Variants in VAV3 observed in about 807,000 individuals in gnomAD.
The protein encoded by VAV3 is guanine nucleotide exchange factor VAV3.
Under a neutral mutation model 131.2 loss-of-function variants are expected in VAV3, and 94 were observed. The ratio of observed to expected loss-of-function variants is 0.72; its 90% CI spans 0.61 to 0.85. The LOEUF (loss-of-function observed/expected upper bound fraction) is 0.85. VAV3 is among the 40% of genes least tolerant of loss of function. VAV3 has a pLI of 0.00. For synonymous variants in VAV3, 349 were observed against 342.0 expected, an observed-to-expected ratio of 1.02 and a Z score of -0.22; for missense variants, 939 against 1,002.7, an observed-to-expected ratio of 0.94 and a Z score of 0.86.
intron 5 of VAV3, 51 bp downstream of exon 5, chr1:107,772,684 C>T: frequency 6.8e-7 from 1 of 1,472,224 alleles, no homozygotes; most frequent in Non-Finnish European, 9.4e-7. Flanking sequence ...GTTAATTAGC[C>T]TTTCCTAATA....
Position 107,767,654 on chromosome 1 carries a change from T to C in VAV3, c.717+787A>G, listed in dbSNP as rs563598932. ...AAAACACAAAGAACTGTTCAGGTAA[T>C]ACAAGCAGGTCTGTGAATAAAAGCT... On this transcript the variant is annotated intron_variant, in intron 7 of 26. Coordinates refer to ENST00000370056, the MANE Select transcript of VAV3 (RefSeq NM_006113.5). 2.6e-5 allele frequency among the ~76,000 whole-genome samples: 4 copies of C among 152,272 alleles called. No individual in the cohort carries two copies. The East Asian group carries it at 7.7e-4, about 29-fold the overall frequency.
chr1:107,668,957 C>T (rs1657592388), intron 19 of VAV3: 1 of 990,486 alleles, frequency 1.0e-6, no homozygotes, highest in Non-Finnish European at 1.2e-6. Flanking sequence ...TTCTCTTCAA[C>T]TCTTTCGCGA....
chr1:107,727,292 TAAA>T (rs1465978935), intron 15 of VAV3, among the ~76,000 whole-genome samples: 1 of 152,240 alleles, frequency 6.6e-6, no homozygotes, highest in Non-Finnish European at 1.5e-5. Context: ...TAAGCTCCAC[TAAA>T]ATGTCTTTTC....
intron 15 of VAV3, among the ~76,000 whole-genome samples, chr1:107,736,932 T>A (rs888569019): frequency 1.3e-5 from 2 of 152,194 alleles, no homozygotes; most frequent in African/African-American, 4.8e-5. Context: ...GCTGGAGGCA[T>A]CACGCTAGCT....
At chr1:107,620,919 G>A (rs1402062934) in intron 20 of VAV3, among the ~76,000 whole-genome samples, 1 of 152,072 alleles carries the variant, frequency 6.6e-6, no homozygotes, top group African/African-American at 2.4e-5. Flanking sequence ...TAGAGGAAGA[G>A]ACCGTGGTTG....
chr1:107,860,033 C>T (rs1379341787), intron 2 of VAV3, among the ~76,000 whole-genome samples: 1 of 152,044 alleles, frequency 6.6e-6, no homozygotes, highest in Admixed American at 6.6e-5. Flanking sequence ...TGTCATGATG[C>T]CTATCTATAT....
intron 15 of VAV3, among the ~76,000 whole-genome samples, chr1:107,731,062 T>C (rs1471930172): frequency 6.6e-6 from 1 of 152,192 alleles, no homozygotes; most frequent in Non-Finnish European, 1.5e-5. Flanking sequence ...GGAAACTACT[T>C]GTAAAGCACG....
chr1:107,789,704 T>C (rs563420789), intron 2 of VAV3, among the ~76,000 whole-genome samples: 3 of 152,304 alleles, frequency 2.0e-5, no homozygotes, highest in Admixed American at 6.5e-5. Context: ...ATACATAACT[T>C]AATATTTTAA....
At chr1:107,731,359 A>T (rs1047531384) in intron 15 of VAV3, among the ~76,000 whole-genome samples, 2 of 152,228 alleles carry the variant, frequency 1.3e-5, no homozygotes, top group Admixed American at 6.5e-5. Flanking sequence ...CCTGATCCTC[A>T]TTAGCACTGG....
intron 15 of VAV3, among the ~76,000 whole-genome samples, chr1:107,722,109 T>C (rs1661537761): frequency 6.6e-6 from 1 of 152,312 alleles, no homozygotes; most frequent in Non-Finnish European, 1.5e-5. Context: ...GAGACAGACA[T>C]ATTTTCTGCA....
rs72705636 is a variant in VAV3, at chr1:107,739,314, C to A, written c.1502+9654G>T. Among the ~76,000 whole-genome samples the A allele has an allele frequency of 2.0e-4, 30 of 152,328 alleles. 1 individual carries two copies. The highest frequency in any genetic ancestry group is 1.6e-3 in the Admixed American group (25 of 15,298). ...TTCGCATGTTTCCGGATCAAACAGG[C>A]TATTGAAAGACTCCATTTCATGACA... On this transcript the variant is annotated intron_variant, in intron 15 of 26. Coordinates refer to ENST00000370056, the MANE Select transcript of VAV3 (RefSeq NM_006113.5).
At chr1:107,719,192 C>A (rs1661325917) in intron 15 of VAV3, among the ~76,000 whole-genome samples, 1 of 152,102 alleles carries the variant, frequency 6.6e-6, no homozygotes, top group Admixed American at 6.6e-5. Flanking sequence ...GTAACAGAAG[C>A]CAAAATAGAC....
intron 15 of VAV3, among the ~76,000 whole-genome samples, chr1:107,711,182 A>G (rs1234403850): frequency 6.6e-6 from 1 of 151,898 alleles, no homozygotes. Flanking sequence ...TTTAAAAGTG[A>G]TAAAACTAAT....
chr1:107,655,462 A>C (rs116493515), intron 19 of VAV3, among the ~76,000 whole-genome samples: 2,293 of 152,254 alleles, frequency 0.015, 61 homozygotes, highest in African/African-American at 0.053. Flanking sequence ...AGCACATACA[A>C]AAATCAAAGC....
intron 25 of VAV3, 61 bp from the exon 26 acceptor site, chr1:107,574,259 TA>T: frequency 1.3e-6 from 2 of 1,568,278 alleles, no homozygotes; most frequent in Non-Finnish European, 1.7e-6. Flanking sequence ...CATAACAACC[TA>T]ATCAGATGAA....
chr1:107,840,532 C>T (rs1255051048), intron 2 of VAV3, among the ~76,000 whole-genome samples: 1 of 152,166 alleles, frequency 6.6e-6, no homozygotes, highest in Non-Finnish European at 1.5e-5. Context: ...GGCACACATG[C>T]CAAGGGTCTT....
intron 10 of VAV3, among the ~76,000 whole-genome samples, chr1:107,759,996 G>A (rs76119888): frequency 6.6e-6 from 1 of 152,068 alleles, no homozygotes; most frequent in African/African-American, 2.4e-5. Flanking sequence ...AATAATCAGG[G>A]TTTGAATTTT....
At chr1:107,614,397 A>G (rs572020249) in intron 21 of VAV3, among the ~76,000 whole-genome samples, 9 of 152,168 alleles carry the variant, frequency 5.9e-5, no homozygotes, top group African/African-American at 2.2e-4. Context: ...ATCAAAAGCA[A>G]TACCATTTTC....
intron 20 of VAV3, 71 bp from the exon 21 acceptor site, chr1:107,617,703 A>G (rs923818627): frequency 1.5e-6 from 2 of 1,333,468 alleles, no homozygotes; most frequent in Non-Finnish European, 2.1e-6. Flanking sequence ...GATGCCCCAT[A>G]CATAGCACTG....
Sources: gnomAD v4.1 joint callset for allele counts (sites outside exome capture counted in the v4.1 genomes callset) on GRCh38, gnomAD v4.1.1 for gene constraint, MANE v1.5 for transcripts, NCBI Gene and HGNC (gene_info 2026-07-23, HGNC 2026-07-21) for gene names.